The following MARCHF1 variants were observed in gnomAD, a reference collection of about 807,000 sequenced individuals.
The protein encoded by MARCHF1 is membrane associated ring-CH-type finger 1.
A neutral mutation model predicts 54.2 loss-of-function variants in MARCHF1; 40 were observed. The observed-to-expected ratio is 0.74, with a 90% CI of 0.57 to 0.96. The LOEUF is 0.96. Ranked by LOEUF, MARCHF1 falls within the 40% of genes least tolerant of loss-of-function variation. MARCHF1 has a pLI of 0.00. For missense variants in MARCHF1, 586 were observed against 656.5 expected (o/e 0.89, Z 1.17); for synonymous variants, 236 against 236.3 (o/e 1.00, Z 0.01).
chr4:163,545,778 G>A (rs767084970), intron 8 of MARCHF1, 35 bp from the exon 9 acceptor site: 6 of 1,601,940 alleles, frequency 3.7e-6, no homozygotes, highest in Non-Finnish European at 2.6e-6. Context: ...AAACTGAATT[G>A]CAAACTAGGA....
At chr4:164,073,740 T>G (rs1329186764) in intron 2 of MARCHF1, among the ~76,000 whole-genome samples, 1 of 152,168 alleles carries the variant, frequency 6.6e-6, no homozygotes, top group Non-Finnish European at 1.5e-5. Context: ...CCACTAAATT[T>G]TGATAAACGG....
rs536932193 is a variant in MARCHF1, at chr4:163,882,027, C to A, written c.-38-27858G>T. On this transcript the variant is annotated intron_variant, in intron 3 of 9. Transcript: ENST00000514618. ...AAGCTACATAAATAGTGAATGGTAG[C>A]TAGTGTTTGCAGCATCAGCTTCTAC... is the stretch of plus-strand genomic sequence containing the variant. 2.0e-5 allele frequency among the ~76,000 whole-genome samples: 3 copies of A among 152,290 alleles called. No individual in the cohort carries two copies. In the East Asian group the frequency reaches 5.8e-4, roughly 29 times the overall value.
chr4:163,836,658 A>AAAAT (rs904463594), intron 4 of MARCHF1, among the ~76,000 whole-genome samples: 5 of 147,638 alleles, frequency 3.4e-5, no homozygotes, highest in Non-Finnish European at 5.9e-5. Context: ...TAAAGTAGAC[A>AAAAT]AAATAAGGAA....
In MARCHF1 at chr4:163,613,303, T is replaced by C; in HGVS notation, c.242+11A>G. The C allele has an allele frequency of 6.3e-7, 1 of 1,599,760 alleles. No individual in the cohort carries two copies. The highest frequency in any genetic ancestry group is 8.5e-7 in the Non-Finnish European group (1 of 1,175,208). Reference sequence around the variant, plus strand: ...AAGAATATAGATTAAGATAATTTGTTCAGCACTTACCTGCAGATGTCCTGA... The same window carrying C: ...AAGAATATAGATTAAGATAATTTGTCCAGCACTTACCTGCAGATGTCCTGA... On this transcript the variant is annotated intron_variant, in intron 6 of 9. Transcript: ENST00000514618.
intron 3 of MARCHF1, among the ~76,000 whole-genome samples, chr4:163,984,520 C>T (rs904340959): frequency 3.3e-5 from 5 of 152,192 alleles, no homozygotes; most frequent in African/African-American, 1.2e-4. Flanking sequence ...GCCTTGGCCC[C>T]ATCCATGCTG....
chr4:163,650,537 T>C (rs1391548988), intron 5 of MARCHF1, among the ~76,000 whole-genome samples: 1 of 151,996 alleles, frequency 6.6e-6, no homozygotes, highest in Non-Finnish European at 1.5e-5. Flanking sequence ...ATGAAGCTTA[T>C]ATTAAATCAG....
At chr4:164,171,186 A>T (rs1043611653) in intron 1 of MARCHF1, among the ~76,000 whole-genome samples, 5 of 141,608 alleles carry the variant, frequency 3.5e-5, no homozygotes, top group African/African-American at 1.5e-4. Flanking sequence ...TTGTCCTTTT[A>T]TGAACATCTT....
chr4:164,328,087 A>G (rs963944712), intron 1 of MARCHF1, among the ~76,000 whole-genome samples: 1 of 152,224 alleles, frequency 6.6e-6, no homozygotes, highest in African/African-American at 2.4e-5. Context: ...GAAGAGCAGA[A>G]GGCTAACTGT....
chr4:163,577,334 G>C (rs983556147), intron 8 of MARCHF1, among the ~76,000 whole-genome samples: 2 of 152,012 alleles, frequency 1.3e-5, no homozygotes, highest in Non-Finnish European at 2.9e-5. Context: ...TCCTTTGCTT[G>C]TGAAGTTTAG....
intron 3 of MARCHF1, among the ~76,000 whole-genome samples, chr4:163,914,963 G>A (rs1296997453): frequency 2.0e-5 from 3 of 152,124 alleles, no homozygotes; most frequent in Non-Finnish European, 4.4e-5. Flanking sequence ...GGCAGGGATA[G>A]TGGCCAAAAT....
chr4:163,960,829 C>A (rs75515216), intron 3 of MARCHF1, among the ~76,000 whole-genome samples: 5 of 143,932 alleles, frequency 3.5e-5, no homozygotes, highest in Non-Finnish European at 7.7e-5. Flanking sequence ...AAAAAAAAAA[C>A]AGACTGGGTA....
intron 3 of MARCHF1, among the ~76,000 whole-genome samples, chr4:163,981,520 G>A (rs1288702281): frequency 3.9e-5 from 6 of 152,098 alleles, no homozygotes; most frequent in Non-Finnish European, 7.4e-5. Flanking sequence ...AATGAGAATC[G>A]AATAGATGTC....
intron 2 of MARCHF1, among the ~76,000 whole-genome samples, chr4:164,078,916 T>C (rs934823669): frequency 6.6e-6 from 1 of 150,582 alleles, no homozygotes; most frequent in Non-Finnish European, 1.5e-5. Flanking sequence ...ACTTAAAGTA[T>C]AATAAAAAAA....
chr4:163,572,410 C>A (rs1207242248), intron 8 of MARCHF1, among the ~76,000 whole-genome samples: 2 of 151,310 alleles, frequency 1.3e-5, no homozygotes, highest in African/African-American at 4.9e-5. Context: ...AGATATGCTA[C>A]CAGTCTCCTT....
At chr4:163,743,707 T>C (rs769002115) in intron 4 of MARCHF1, among the ~76,000 whole-genome samples, 1 of 151,410 alleles carries the variant, frequency 6.6e-6, no homozygotes, top group Non-Finnish European at 1.5e-5. Flanking sequence ...GCCTCCAGAG[T>C]AGCTGGGACT....
intron 1 of MARCHF1, among the ~76,000 whole-genome samples, chr4:164,215,732 A>G (rs1264385766): frequency 1.3e-5 from 2 of 152,202 alleles, no homozygotes; most frequent in African/African-American, 4.8e-5. Context: ...GATGAGGCTG[A>G]GGTAGAATAG....
intron 8 of MARCHF1, chr4:163,583,570 A>G (rs1740302708): frequency 6.6e-6 from 1 of 151,942 alleles, no homozygotes. Flanking sequence ...AAACTAGGAT[A>G]TTCATCAACA....
At chr4:163,737,204 ATTTT>A (rs1174293219) in intron 4 of MARCHF1, among the ~76,000 whole-genome samples, 1 of 25,072 alleles carries the variant, frequency 4.0e-5, no homozygotes, top group African/African-American at 1.0e-4. Context: ...TTATTTATTT[ATTTT>A]TTTTAATTTT....
intron 3 of MARCHF1, among the ~76,000 whole-genome samples, chr4:163,893,900 C>A (rs977276010): frequency 6.6e-6 from 1 of 152,108 alleles, no homozygotes; most frequent in African/African-American, 2.4e-5. Context: ...TGCTCACAGG[C>A]AGCATGAAGG....
Sources: allele counts gnomAD v4.1 joint callset (sites outside exome capture counted in the v4.1 genomes callset), GRCh38; gene constraint gnomAD v4.1.1; transcripts MANE v1.5; gene names NCBI Gene and HGNC (gene_info 2026-07-23, HGNC 2026-07-21).